Variants in TLCD4 observed in about 807,000 individuals in gnomAD.
TLCD4 encodes the protein TLC domain-containing protein 4.
A neutral mutation model predicts 24.2 loss-of-function variants in TLCD4; 7 were observed. That is an observed-to-expected ratio of 0.29 (90% CI 0.16 to 0.54). The LOEUF is 0.54. Ranked by LOEUF, TLCD4 falls within the 20% of genes least tolerant of loss-of-function variation. TLCD4 has a pLI of 0.95. For synonymous variants in TLCD4, 103 were observed against 106.4 expected (o/e 0.97, Z 0.20); for missense variants, 259 against 313.9 (o/e 0.82, Z 1.32).
intron 5 of TLCD4, among the ~76,000 whole-genome samples, chr1:95,166,286 CTG>C (rs1435493573): frequency 2.0e-5 from 3 of 152,132 alleles, no homozygotes; most frequent in African/African-American, 7.2e-5. Flanking sequence ...CCATGCCACA[CTG>C]TGGTATGATG....
At chr1:95,118,736 A>G (rs1259276289) in intron 1 of TLCD4, among the ~76,000 whole-genome samples, 3 of 152,202 alleles carry the variant, frequency 2.0e-5, no homozygotes, top group African/African-American at 7.2e-5. Context: ...AGAGAATCCC[A>G]GCTCCCTTTT....
At chr1:95,176,115 G>T (rs1678415933) in intron 6 of TLCD4, among the ~76,000 whole-genome samples, 14 of 151,940 alleles carry the variant, frequency 9.2e-5, no homozygotes, top group Admixed American at 8.5e-4. Context: ...TTGATTCATG[G>T]TGTGGAGCAT....
chr1:95,173,103 T>C (rs930691761), intron 5 of TLCD4, among the ~76,000 whole-genome samples: 9 of 152,334 alleles, frequency 5.9e-5, no homozygotes, highest in African/African-American at 1.9e-4. Context: ...TTCACAAATA[T>C]ATTTTTCAGA....
chr1:95,141,687 A>T (rs1392329478), intron 1 of TLCD4, among the ~76,000 whole-genome samples: 1 of 152,140 alleles, frequency 6.6e-6, no homozygotes, highest in African/African-American at 2.4e-5. Flanking sequence ...ACAAATTAAA[A>T]TTTTAATACC....
chr1:95,184,508 A>C (rs974383515), intron 6 of TLCD4, among the ~76,000 whole-genome samples: 1 of 152,192 alleles, frequency 6.6e-6, no homozygotes, highest in Non-Finnish European at 1.5e-5. Flanking sequence ...CAGTAAACTT[A>C]ATGGGAAGGT....
chr1:95,119,854 A>G (rs966094171), intron 1 of TLCD4, among the ~76,000 whole-genome samples: 7 of 150,766 alleles, frequency 4.6e-5, no homozygotes, highest in African/African-American at 1.7e-4. Flanking sequence ...CAGATTAAGG[A>G]TTTGTTTGGG....
chr1:95,173,979 T>C, intron 6 of TLCD4, 90 bp downstream of exon 6: 4 of 1,536,866 alleles, frequency 2.6e-6, no homozygotes, highest in Non-Finnish European at 2.7e-6. Flanking sequence ...CAAGTTACTA[T>C]ATAAAAGATA....
intron 5 of TLCD4, chr1:95,165,065 T>A (rs11165329): frequency 0.44 from 67,514 of 152,198 alleles, 16,447 homozygotes; most frequent in Middle Eastern, 0.58. Flanking sequence ...CAGATTGCTG[T>A]CTGTGCTGCT....
intron 5 of TLCD4, among the ~76,000 whole-genome samples, chr1:95,170,699 T>C (rs1333209162): frequency 6.6e-6 from 1 of 152,176 alleles, no homozygotes; most frequent in Non-Finnish European, 1.5e-5. Flanking sequence ...AAAATAACTT[T>C]TTCCTTTCAT....
In TLCD4 at chr1:95,193,893, G is replaced by A. The variant is rs1679103243; in HGVS notation, c.*2025G>A. 6.6e-6 allele frequency: 1 copy of A among 151,954 alleles called. No homozygotes were observed. The highest frequency in any genetic ancestry group is 2.4e-5 in the African/African-American group (1 of 41,414). 9.4% of individuals were successfully genotyped at this position (151,954 alleles called of 1,614,324 possible). On this transcript the variant is annotated 3_prime_UTR_variant, in exon 7 of 7. Transcript: ENST00000370203. ...TTGTTCTTACCTTTTTGCAGGAAAA[G>A]TGGCTTTAAAAAAATTTATATAATA...
the TLCD4 span, among the ~76,000 whole-genome samples, chr1:95,104,647 C>CAG: frequency 1.1e-4 from 5 of 44,718 alleles, no homozygotes; most frequent in Non-Finnish European, 3.5e-4. Flanking sequence ...GCCTGGGGGA[C>CAG]AGCGAGACTC....
At chr1:95,178,096 G>A (rs1043757191) in intron 6 of TLCD4, among the ~76,000 whole-genome samples, 4 of 149,356 alleles carry the variant, frequency 2.7e-5, no homozygotes, top group Non-Finnish European at 5.9e-5. Flanking sequence ...GACTTCAGGC[G>A]CATGCTGCCA....
At chr1:95,109,952 T>TAC in the TLCD4 span, among the ~76,000 whole-genome samples, 27 of 70,698 alleles carry the variant, frequency 3.8e-4, no homozygotes, top group Admixed American at 7.2e-4. Context: ...TATATATATA[T>TAC]ATATATACAC....
chr1:95,161,862 A>T (rs1448097200), intron 5 of TLCD4, among the ~76,000 whole-genome samples: 1 of 152,216 alleles, frequency 6.6e-6, no homozygotes, highest in East Asian at 1.9e-4. Context: ...CTGTGGTCTG[A>T]GAGACAGTTT....
chr1:95,105,661 C>G, the TLCD4 span, among the ~76,000 whole-genome samples: 27 of 151,890 alleles, frequency 1.8e-4, no homozygotes, highest in Non-Finnish European at 3.8e-4. Context: ...TTTGGGAGGC[C>G]GAGGCGGGCG....
intron 1 of TLCD4, among the ~76,000 whole-genome samples, chr1:95,123,730 T>G (rs190146805): frequency 3.9e-5 from 6 of 152,302 alleles, no homozygotes; most frequent in East Asian, 1.9e-4. Flanking sequence ...GCAGCTTGCT[T>G]CTTTTATCAC....
intron 1 of TLCD4, among the ~76,000 whole-genome samples, chr1:95,142,804 A>G (rs1319469330): frequency 6.6e-6 from 1 of 151,810 alleles, no homozygotes; most frequent in East Asian, 1.9e-4. Context: ...ACAAAAATTA[A>G]CCGAGTGTGG....
intron 2 of TLCD4, among the ~76,000 whole-genome samples, chr1:95,144,535 T>C (rs1677296092): frequency 6.6e-6 from 1 of 151,954 alleles, no homozygotes; most frequent in Non-Finnish European, 1.5e-5. Context: ...GCATTATAAT[T>C]TAGAGCCCTC....
intron 5 of TLCD4, chr1:95,163,347 C>T (rs1192783002): frequency 6.6e-6 from 1 of 152,164 alleles, no homozygotes; most frequent in South Asian, 2.1e-4. Flanking sequence ...TTTTCAGCTC[C>T]ATTGGGTACC....
Sources: gnomAD v4.1 joint callset for allele counts (sites outside exome capture counted in the v4.1 genomes callset) on GRCh38, gnomAD v4.1.1 for gene constraint, MANE v1.5 for transcripts, NCBI Gene and HGNC (gene_info 2026-07-23, HGNC 2026-07-21) for gene names.